FRY: variants seen among roughly 807,000 people sequenced by gnomAD.
FRY encodes the protein FRY microtubule binding protein.
FRY carries 128 observed loss-of-function variants against 348.4 expected under a neutral mutation model. That is an observed-to-expected ratio of 0.37 (90% CI 0.32 to 0.43). The LOEUF (loss-of-function observed/expected upper bound fraction) is 0.43. FRY is among the 20% of genes least tolerant of loss of function. The pLI is 1.00. For missense variants in FRY, 2,736 were observed against 3,695.2 expected (o/e 0.74, Z 6.73); for synonymous variants, 1,370 against 1,374.7 (o/e 1.00, Z 0.08).
In FRY at chr13:32,225,140, G is replaced by A. The variant is rs1029288540; in HGVS notation, c.5020+104G>A. ...ATTGACATCCTGTTTGACTCATTTC[G>A]GGAATATTCTATCTCCACCATTTTT... On this transcript the variant is annotated intron_variant, in intron 38 of 60. Coordinates refer to ENST00000542859, the MANE Select transcript of FRY (RefSeq NM_023037.3). 25 of 755,630 alleles carry A rather than the reference G, an allele frequency of 3.3e-5. No homozygotes were observed. In the African/African-American group the frequency reaches 3.8e-4, roughly 11 times the overall value. 46.8% of individuals were successfully genotyped at this position (755,630 alleles called of 1,614,324 possible). A position where few individuals can be genotyped will look rare whatever the true frequency, so the allele number is the denominator to read the frequency against.
rs2138676184 is a variant in FRY, at chr13:32,298,674, T to C, written c.*3214T>C. The stretch of plus-strand genomic sequence containing the variant: ...TAGCTATCACTCTAATAAGGTGATA[T>C]CTGAGGAGAGATCTGAATGAAGTGA... On this transcript the variant is annotated 3_prime_UTR_variant, in exon 61 of 61. Transcript: ENST00000542859. The C allele has an allele frequency of 1.3e-5, 2 of 152,298 alleles. 1 individual carries two copies. Among genetic ancestry groups the C allele is most frequent in the South Asian group, 4.1e-4 (2 of 4,824 alleles). 9.4% of individuals were successfully genotyped at this position (152,298 alleles called of 1,614,324 possible). A position where few individuals can be genotyped will look rare whatever the true frequency, so the allele number is the denominator to read the frequency against.
At position 32,177,594 on chromosome 13, in the gene FRY, GATAA is replaced by G. The variant is rs71194512; in HGVS notation, c.2422-558_2422-555del. Among the ~76,000 whole-genome samples, 794 of 147,940 alleles carry G rather than the reference GATAA, an allele frequency of 5.4e-3. 8 individuals are homozygous for G. Among genetic ancestry groups the G allele is most frequent in the African/African-American group, 0.019 (742 of 39,866 alleles). ...GTGTGACAGAGCAAGACTCTGTCTC[GATAA>G]ATAAATAAATAAATAAATAAATAAG... is the stretch of plus-strand genomic sequence containing the variant. On this transcript the variant is annotated intron_variant, in intron 20 of 60. Transcript: ENST00000542859.
In FRY at chr13:32,186,283, C is replaced by T; in HGVS notation, c.3343C>T (p.Pro1115Ser). Reference protein sequence around the residue: ...VPVHHRRFLFPQQSLRHHLFI... With the variant: ...VPVHHRRFLFSQQSLRHHLFI... ...AGTTCACCACCGAAGATTTCTCTTCCCCCAGCAAAGTCTGAGGCACCACCT... is the reference window on the plus strand; with the variant it reads ...AGTTCACCACCGAAGATTTCTCTTCTCCCAGCAAAGTCTGAGGCACCACCT... The change falls in exon 27 of 61, where the codon CCC becomes TCC. Residue 1115 changes from proline (P) to serine (S), a missense_variant. By Grantham distance (74) the Pro-to-Ser change is moderately conservative (BLOSUM62 -1). Coordinates refer to ENST00000542859, the MANE Select transcript of FRY (RefSeq NM_023037.3). 3 of 1,613,684 alleles carry T rather than the reference C, an allele frequency of 1.9e-6. No homozygotes were observed.
intron 7 of FRY, among the ~76,000 whole-genome samples, chr13:32,126,310 T>G (rs780398293): frequency 6.6e-6 from 1 of 152,256 alleles, no homozygotes; most frequent in Non-Finnish European, 1.5e-5. Flanking sequence ...TTGTGAATTA[T>G]GCATAACAAT....
intron 3 of FRY, among the ~76,000 whole-genome samples, chr13:32,111,360 G>C (rs1175718047): frequency 6.6e-6 from 1 of 152,108 alleles, no homozygotes; most frequent in Admixed American, 6.6e-5. Context: ...GCTGGGCGTG[G>C]TGGTGTGTGC....
Position 32,274,690 on chromosome 13 carries a change from C to T in FRY, c.8137-152C>T, listed in dbSNP as rs374983417. On this transcript the variant is annotated intron_variant, in intron 55 of 60. Coordinates refer to ENST00000542859, the MANE Select transcript of FRY (RefSeq NM_023037.3). ...CTGCACTCCAGCCTGGGCGACAGAGCGAGATTCTGTCTCAAAAAAAAAAAA... is the reference window on the plus strand; with the variant it reads ...CTGCACTCCAGCCTGGGCGACAGAGTGAGATTCTGTCTCAAAAAAAAAAAA... The T allele has an allele frequency of 4.5e-3, 2,338 of 515,988 alleles. 63 individuals carry two copies. The African/African-American group carries it at 0.058, about 13-fold the overall frequency. The allele number at this position is 515,988 out of a possible 1,614,324, so 32.0% of individuals were successfully genotyped here. A position where few individuals can be genotyped will look rare whatever the true frequency, so the allele number is the denominator to read the frequency against.
chr13:32,157,555 A>G, intron 16 of FRY, 150 bp downstream of exon 16: 1 of 689,366 alleles, frequency 1.5e-6, no homozygotes, highest in Non-Finnish European at 2.4e-6. Flanking sequence ...ACAGTATTTG[A>G]TTAACTATAA....
At chr13:32,057,684 G>A (rs1873710603) in intron 1 of FRY, among the ~76,000 whole-genome samples, 1 of 152,178 alleles carries the variant, frequency 6.6e-6, no homozygotes, top group African/African-American at 2.4e-5. Flanking sequence ...AGTCAGCCGG[G>A]CATGGTGGCT....
chr13:32,147,758 A>G (rs1880545418), intron 12 of FRY, 81 bp from the exon 13 acceptor site: 1 of 823,490 alleles, frequency 1.2e-6, no homozygotes. Context: ...CTTAGATAAG[A>G]TGAAATATCT....
At chr13:32,087,425 C>T (rs1353768511) in intron 2 of FRY, among the ~76,000 whole-genome samples, 1 of 152,174 alleles carries the variant, frequency 6.6e-6, no homozygotes, top group African/African-American at 2.4e-5. Context: ...TCTCCTGTTA[C>T]CCCTAAAGTT....
intron 41 of FRY, 39 bp from the exon 42 acceptor site, chr13:32,234,530 TGTAGA>T (rs1566154636): frequency 1.9e-6 from 3 of 1,546,660 alleles, no homozygotes; most frequent in South Asian, 1.1e-5. Context: ...CCCCAGAGCA[TGTAGA>T]GTAGAGACTG....
At chr13:32,225,171 C>A (rs1453823008) in intron 38 of FRY, 135 bp downstream of exon 38, 1 of 705,242 alleles carries the variant, frequency 1.4e-6, no homozygotes. Context: ...TTTTTCATTG[C>A]CCTTTTGTGA....
At chr13:32,245,447 T>TA (rs971911114) in intron 47 of FRY, among the ~76,000 whole-genome samples, 10 of 151,672 alleles carry the variant, frequency 6.6e-5, no homozygotes, top group South Asian at 2.1e-4. Context: ...TCTACAAAAA[T>TA]AAAAAAAATT....
rs555797830 is a variant in FRY, at chr13:32,243,959, A to G, written c.6688-83A>G. The G allele has an allele frequency of 6.9e-5, 100 of 1,444,802 alleles. No individual in the cohort carries two copies. The African/African-American group carries it at 1.3e-3, about 19-fold the overall frequency. 89.5% of individuals were successfully genotyped at this position (1,444,802 alleles called of 1,614,324 possible). A position where few individuals can be genotyped will look rare whatever the true frequency, so the allele number is the denominator to read the frequency against. Reference sequence around the variant, plus strand: ...ATAAAAAATAAAAAGGAAATGTGCAATCCTAAATGTGTTGGAAAACACGGG... The same window carrying G: ...ATAAAAAATAAAAAGGAAATGTGCAGTCCTAAATGTGTTGGAAAACACGGG... On this transcript the variant is annotated intron_variant, in intron 46 of 60. Coordinates refer to ENST00000542859, the MANE Select transcript of FRY (RefSeq NM_023037.3).
In FRY at chr13:32,031,828, GATCAGTATC is replaced by G; in HGVS notation, c.35_43del (p.Ile12_Ile14del). 4 of 1,605,256 alleles carry G rather than the reference GATCAGTATC, an allele frequency of 2.5e-6. No individual in the cohort carries two copies. The highest frequency in any genetic ancestry group is 3.4e-6 in the Non-Finnish European group (4 of 1,173,216). On this transcript the variant is annotated inframe_deletion, in exon 1 of 61. Transcript: ENST00000542859. Reference sequence around the variant, plus strand: ...GCCAGCAGGATTCGGGCTTCTTTGAGATCAGTATCAAATATTTACTGAAATCCTGGAGTA... The same window carrying G: ...GCCAGCAGGATTCGGGCTTCTTTGAGAAATATTTACTGAAATCCTGGAGTA...
intron 1 of FRY, among the ~76,000 whole-genome samples, chr13:32,039,451 G>GTC (rs1266356151): frequency 6.6e-6 from 1 of 151,608 alleles, no homozygotes; most frequent in African/African-American, 2.4e-5. Context: ...ATGTCTGTCT[G>GTC]TCTCTCTCTC....
At chr13:32,210,830 T>G (rs1272861492) in intron 33 of FRY, 36 bp from the exon 34 acceptor site, 1 of 1,591,248 alleles carries the variant, frequency 6.3e-7, no homozygotes, top group Non-Finnish European at 8.6e-7. Context: ...GACTAGGCTC[T>G]GTGAAACATC....
intron 11 of FRY, among the ~76,000 whole-genome samples, chr13:32,145,536 T>TGTTTG (rs1383348455): frequency 3.0e-4 from 40 of 133,564 alleles, no homozygotes; most frequent in African/African-American, 1.1e-3. Context: ...GTTTTTTTTT[T>TGTTTG]TTTTTTTTTT....
chr13:32,286,691 G>A (rs1302945970), intron 58 of FRY, among the ~76,000 whole-genome samples: 4 of 135,756 alleles, frequency 2.9e-5, no homozygotes, highest in Non-Finnish European at 4.6e-5. Context: ...AGCTTGCAGT[G>A]AGCCAAGATC....
Sources: gnomAD v4.1 joint callset for allele counts (sites outside exome capture counted in the v4.1 genomes callset) on GRCh38, gnomAD v4.1.1 for gene constraint, MANE v1.5 for transcripts, NCBI Gene and HGNC (gene_info 2026-07-23, HGNC 2026-07-21) for gene names.